The following MROH9 variants were observed in gnomAD, a reference collection of about 807,000 sequenced individuals.
MROH9 encodes the protein maestro heat-like repeat-containing protein family member 9.
MROH9 carries 92 observed loss-of-function variants against 98.2 expected under a neutral mutation model. The ratio of observed to expected loss-of-function variants is 0.94; its 90% confidence interval spans 0.79 to 1.11. MROH9 has a LOEUF of 1.11. Among genes scored for constraint, MROH9 ranks in the 50% most tolerant of loss-of-function variants. The pLI is 0.00. For synonymous variants in MROH9, 397 were observed against 368.9 expected (o/e 1.08, Z -0.87); for missense variants, 1,057 against 1,014.8 (o/e 1.04, Z -0.57).
At chr1:171,051,658 G>T (rs1212964624) in intron 20 of MROH9, among the ~76,000 whole-genome samples, 1 of 152,042 alleles carries the variant, frequency 6.6e-6, no homozygotes, top group Non-Finnish European at 1.5e-5. Flanking sequence ...TTAGGTGATG[G>T]GTTGATAGGT....
intron 20 of MROH9, among the ~76,000 whole-genome samples, chr1:171,060,712 AC>A (rs1354189426): frequency 6.6e-6 from 1 of 152,188 alleles, no homozygotes; most frequent in Non-Finnish European, 1.5e-5. Context: ...CTTGACCCCA[AC>A]TTCATGCTGT....
chr1:170,987,521 T>A (rs1651188440), intron 10 of MROH9, among the ~76,000 whole-genome samples: 1 of 152,208 alleles, frequency 6.6e-6, no homozygotes, highest in African/African-American at 2.4e-5. Flanking sequence ...TTCATGCTGG[T>A]TTTATTTGCT....
intron 20 of MROH9, among the ~76,000 whole-genome samples, chr1:171,043,487 A>G (rs2101860856): frequency 1.3e-5 from 2 of 152,178 alleles, no homozygotes; most frequent in South Asian, 4.1e-4. Flanking sequence ...TATACATTTT[A>G]GAATAGTATT....
At chr1:171,001,126 GTCT>G (rs1218021950) in intron 15 of MROH9, among the ~76,000 whole-genome samples, 2 of 151,866 alleles carry the variant, frequency 1.3e-5, no homozygotes, top group African/African-American at 2.4e-5. Flanking sequence ...TGGATTTTCT[GTCT>G]TCTTTTCTTT....
intron 15 of MROH9, among the ~76,000 whole-genome samples, chr1:171,009,170 G>A (rs570863363): frequency 2.6e-5 from 4 of 151,904 alleles, no homozygotes; most frequent in African/African-American, 9.7e-5. Flanking sequence ...ATGGAAATGA[G>A]ACTCTCAAAG....
At chr1:170,948,903 G>A (rs186727430) in intron 3 of MROH9, among the ~76,000 whole-genome samples, 1 of 152,166 alleles carries the variant, frequency 6.6e-6, no homozygotes, top group East Asian at 1.9e-4. Flanking sequence ...ATAGATTTTA[G>A]CTATGGTTCC....
intron 8 of MROH9, among the ~76,000 whole-genome samples, chr1:170,977,570 A>C (rs1224321148): frequency 6.6e-6 from 1 of 151,894 alleles, no homozygotes; most frequent in Non-Finnish European, 1.5e-5. Context: ...CAGTTGGTAG[A>C]CTCTTGCTCA....
chr1:171,016,777 G>A (rs1272489778), intron 17 of MROH9, among the ~76,000 whole-genome samples: 1 of 152,078 alleles, frequency 6.6e-6, no homozygotes, highest in African/African-American at 2.4e-5. Flanking sequence ...TATTTGCCAT[G>A]CCCCAAATAA....
At chr1:170,996,431 A>G (rs1473797110) in intron 13 of MROH9, 76 bp from the exon 14 acceptor site, 1 of 1,522,134 alleles carries the variant, frequency 6.6e-7, no homozygotes, top group African/African-American at 1.4e-5. Context: ...AGATGGGATT[A>G]AAAGGCAGGT....
intron 10 of MROH9, among the ~76,000 whole-genome samples, chr1:170,987,761 T>A (rs1651207031): frequency 6.6e-6 from 1 of 152,200 alleles, no homozygotes; most frequent in African/African-American, 2.4e-5. Context: ...CTAGCTCGAC[T>A]TTTAAAATTT....
rs1350654175 is a variant in MROH9 at position 171,064,087 on chromosome 1, C to A, written c.2345-12C>A. On this transcript the variant is annotated splice_polypyrimidine_tract_variant and intron_variant, in intron 21 of 21. Coordinates refer to ENST00000367759, the MANE Select transcript of MROH9 (RefSeq NM_001163629.2). ...GAGATAACTTGAACTAAAGTCTCTT[C>A]TGATATTACAGTTATTGAACGACTG... 2.0e-6 allele frequency: 3 copies of A among 1,526,704 alleles called. No individual in the cohort carries two copies. Among genetic ancestry groups the A allele is most frequent in the Non-Finnish European group, 2.6e-6 (3 of 1,140,420 alleles). 94.6% of individuals were successfully genotyped at this position (1,526,704 alleles called of 1,614,324 possible).
intron 1 of MROH9, among the ~76,000 whole-genome samples, chr1:170,938,358 C>T (rs1414692031): frequency 6.6e-6 from 1 of 152,162 alleles, no homozygotes; most frequent in Non-Finnish European, 1.5e-5. Flanking sequence ...CCCCTTGATC[C>T]CTAGACCCAG....
At chr1:171,011,597 A>G (rs1652157610) in intron 15 of MROH9, among the ~76,000 whole-genome samples, 1 of 152,216 alleles carries the variant, frequency 6.6e-6, no homozygotes, top group African/African-American at 2.4e-5. Context: ...TATTAAAATC[A>G]CCAAGAAATA....
chr1:171,049,914 TCAAG>T (rs577438580), intron 20 of MROH9, among the ~76,000 whole-genome samples: 11 of 152,332 alleles, frequency 7.2e-5, no homozygotes, highest in Admixed American at 6.5e-4. Context: ...ACTCTTGGGC[TCAAG>T]CAATCTGCCT....
chr1:171,061,802 C>A (rs942994694), intron 20 of MROH9, among the ~76,000 whole-genome samples: 2 of 152,102 alleles, frequency 1.3e-5, no homozygotes, highest in African/African-American at 4.8e-5. Context: ...AGAATATATT[C>A]TGAAAGGTGG....
At position 170,986,612 on chromosome 1, in the gene MROH9, C is replaced by A. The variant is rs1406508259; in HGVS notation, c.781C>A (p.Leu261Ile). ...CTTGCTGACTGACTTTGTGCAGAGT[C>A]TCCTGATGAAACTCTCTTCACCTGA... ...PPLLTDFVQS[L>I]LMKLSSPDDK... Residue 261 changes from leucine to isoleucine, a missense_variant, in exon 10 of 22, where the codon CTC becomes ATC. Coordinates refer to ENST00000367759, the MANE Select transcript of MROH9 (RefSeq NM_001163629.2). The A allele has an allele frequency of 6.2e-7, 1 of 1,613,834 alleles. No individual in the cohort carries two copies. Among genetic ancestry groups the A allele is most frequent in the South Asian group, 1.1e-5 (1 of 91,064 alleles).
chr1:170,963,705 C>T (rs1650118237), intron 6 of MROH9, among the ~76,000 whole-genome samples: 1 of 152,052 alleles, frequency 6.6e-6, no homozygotes, highest in South Asian at 2.1e-4. Flanking sequence ...AGCTGGAAGC[C>T]ATTAGCCTTA....
chr1:170,969,377 T>A (rs1162776710), intron 7 of MROH9, among the ~76,000 whole-genome samples: 2 of 152,198 alleles, frequency 1.3e-5, no homozygotes. Context: ...TTATGTTTTA[T>A]CCTGTTACAT....
chr1:171,054,222 T>C (rs2101871208), intron 20 of MROH9, among the ~76,000 whole-genome samples: 1 of 152,080 alleles, frequency 6.6e-6, no homozygotes, highest in East Asian at 1.9e-4. Context: ...AACCCAGAAA[T>C]AAAGTAAAAT....
Sources: allele counts gnomAD v4.1 joint callset (sites outside exome capture counted in the v4.1 genomes callset), GRCh38; gene constraint gnomAD v4.1.1; transcripts MANE v1.5; gene names NCBI Gene and HGNC (gene_info 2026-07-23, HGNC 2026-07-21).